Variants in MED27 observed in about 807,000 individuals in gnomAD.
MED27 encodes mediator of RNA polymerase II transcription subunit 27.
A neutral mutation model predicts 38.2 loss-of-function variants in MED27; 30 were observed. The observed-to-expected ratio is 0.79, with a 90% CI of 0.59 to 1.07. MED27 has a LOEUF of 1.07. MED27 is among the 50% of genes least tolerant of loss of function. MED27 has a pLI of 0.00. For missense variants in MED27, 289 were observed against 397.5 expected, an observed-to-expected ratio of 0.73 and a Z score of 2.32; for synonymous variants, 122 against 153.5, an observed-to-expected ratio of 0.79 and a Z score of 1.52.
Position 131,973,811 on chromosome 9 carries a change from C to A in MED27, c.480-34337G>T, listed in dbSNP as rs897826031. Among the ~76,000 whole-genome samples the A allele has an allele frequency of 8.5e-5, 13 of 152,128 alleles. No homozygotes were observed. In the East Asian group the frequency reaches 2.5e-3, roughly 29 times the overall value. ...TAAGCTCCACCTCCCGGGTTCACAC[C>A]ATTCTCCTGCCTCAGCCTCCCAAGT... On this transcript the variant is annotated intron_variant, in intron 3 of 7. Transcript: ENST00000292035.
At chr9:131,932,425 A>G (rs994248837) in intron 4 of MED27, among the ~76,000 whole-genome samples, 1 of 152,034 alleles carries the variant, frequency 6.6e-6, no homozygotes, top group African/African-American at 2.4e-5. Flanking sequence ...AAGAGATGAA[A>G]AAGGAGACAT....
rs778791844 is a variant in MED27 at position 131,901,927 on chromosome 9, G to A, written c.574-7935C>T. On this transcript the variant is annotated intron_variant, in intron 4 of 7. Coordinates refer to ENST00000292035, the MANE Select transcript of MED27 (RefSeq NM_004269.4). ...GCTGAAGTTTTGAAAGATTTGAGTC[G>A]AAGGTCACTGGTTTTCTGTGAAGGG... Among the ~76,000 whole-genome samples the A allele has an allele frequency of 2.8e-4, 43 of 152,210 alleles. 1 individual carries two copies. Among genetic ancestry groups the A allele is most frequent in the South Asian group, 1.9e-3 (9 of 4,812 alleles).
intron 6 of MED27, among the ~76,000 whole-genome samples, chr9:131,869,595 G>C (rs975783231): frequency 3.9e-5 from 6 of 152,200 alleles, no homozygotes; most frequent in Non-Finnish European, 7.3e-5. Context: ...TTGAAAAAAG[G>C]CTTGTAAAAA....
intron 4 of MED27, among the ~76,000 whole-genome samples, chr9:131,912,455 T>C (rs1830208816): frequency 6.6e-6 from 1 of 152,208 alleles, no homozygotes; most frequent in Non-Finnish European, 1.5e-5. Flanking sequence ...ATCCTGGTTT[T>C]GTGGTTTGAT....
chr9:131,930,452 G>C (rs936517201), intron 4 of MED27, among the ~76,000 whole-genome samples: 2 of 152,206 alleles, frequency 1.3e-5, no homozygotes, highest in African/African-American at 4.8e-5. Context: ...CCAGGAGAGA[G>C]TGGCATGGCA....
At chr9:132,046,643 C>T (rs114532482) in intron 2 of MED27, among the ~76,000 whole-genome samples, 2,357 of 152,208 alleles carry the variant, frequency 0.015, 63 homozygotes, top group African/African-American at 0.053. Context: ...CCCAAGCAAT[C>T]GTAGCAGTGG....
At chr9:131,949,557 G>A (rs1437776633) in intron 3 of MED27, among the ~76,000 whole-genome samples, 2 of 152,210 alleles carry the variant, frequency 1.3e-5, no homozygotes, top group African/African-American at 4.8e-5. Context: ...ACACACCGCA[G>A]TGCTTTTATT....
In MED27 at chr9:131,982,469, A is replaced by G. The variant is rs1383482093; in HGVS notation, c.479+31868T>C. ...CCAGACTACACAATCGTGAGTAAAT[A>G]AAATGTTTTGTTGTAAGTAGCCAAG... On this transcript the variant is annotated intron_variant, in intron 3 of 7. Transcript: ENST00000292035. This position sits in a 1 kb window ranked among gnomAD's most constrained non-coding sequence, Gnocchi z 4.3. 2.6e-5 allele frequency among the ~76,000 whole-genome samples: 4 copies of G among 152,250 alleles called. No homozygotes were observed. Among genetic ancestry groups the G allele is most frequent in the African/African-American group, 9.6e-5 (4 of 41,466 alleles).
chr9:131,957,090 C>T (rs1831121599), intron 3 of MED27, among the ~76,000 whole-genome samples: 1 of 152,144 alleles, frequency 6.6e-6, no homozygotes, highest in African/African-American at 2.4e-5. Context: ...GGTAGGAGTA[C>T]AAAGTGGCAG....
intron 6 of MED27, among the ~76,000 whole-genome samples, chr9:131,881,060 G>A (rs1330601689): frequency 1.3e-5 from 2 of 152,182 alleles, no homozygotes; most frequent in African/African-American, 2.4e-5. Flanking sequence ...GGAGACTGGA[G>A]GAGGGAACTC....
intron 2 of MED27, 101 bp from the exon 3 acceptor site, chr9:132,014,568 G>T (rs1018881039): frequency 4.9e-6 from 6 of 1,230,150 alleles, no homozygotes; most frequent in Non-Finnish European, 6.7e-6. Flanking sequence ...TATCCCCTTA[G>T]AACATTTTAA....
At chr9:132,055,776 A>T (rs923970174) in intron 2 of MED27, among the ~76,000 whole-genome samples, 3 of 152,236 alleles carry the variant, frequency 2.0e-5, no homozygotes, top group Admixed American at 6.5e-5. Flanking sequence ...CAAAAGCCTC[A>T]TTTTAGTCAA....
At chr9:131,946,151 T>G (rs1462101680) in intron 3 of MED27, among the ~76,000 whole-genome samples, 4 of 152,186 alleles carry the variant, frequency 2.6e-5, no homozygotes, top group African/African-American at 9.7e-5. Context: ...ATTCATCCAC[T>G]AATAGACAGT....
At chr9:131,928,283 A>G (rs1274411041) in intron 4 of MED27, among the ~76,000 whole-genome samples, 1 of 152,138 alleles carries the variant, frequency 6.6e-6, no homozygotes, top group African/African-American at 2.4e-5. Context: ...CTAACACTTA[A>G]AAATGTATCC....
chr9:131,975,129 A>G (rs528296871), intron 3 of MED27, among the ~76,000 whole-genome samples: 1 of 152,220 alleles, frequency 6.6e-6, no homozygotes, highest in East Asian at 1.9e-4. Flanking sequence ...GCTGTTATTT[A>G]TCTCTTTTTC....
chr9:131,883,812 C>T lies in MED27; in HGVS notation c.723+246G>A, dbSNP rs1839089702. 6.6e-6 allele frequency among the ~76,000 whole-genome samples: 1 copy of T among 152,210 alleles called. No individual in the cohort carries two copies. Among genetic ancestry groups the T allele is most frequent in the South Asian group, 2.1e-4 (1 of 4,832 alleles). On this transcript the variant is annotated intron_variant, in intron 6 of 7. Coordinates refer to ENST00000292035, the MANE Select transcript of MED27 (RefSeq NM_004269.4). The surrounding 1 kb of genome is among the most constrained non-coding windows in gnomAD (Gnocchi z 4.2). ...TAAAGAATATTCCCACCACCCCACACTCCCTTGTGCCCCTTTGGGGCCAAG... is the reference window on the plus strand; with the variant it reads ...TAAAGAATATTCCCACCACCCCACATTCCCTTGTGCCCCTTTGGGGCCAAG...
intron 2 of MED27, among the ~76,000 whole-genome samples, chr9:132,046,637 A>G (rs1315380861): frequency 6.6e-6 from 1 of 152,178 alleles, no homozygotes; most frequent in African/African-American, 2.4e-5. Flanking sequence ...CCAGCCCCCA[A>G]GCAATCGTAG....
chr9:132,071,632 C>T (rs558929726), intron 2 of MED27, among the ~76,000 whole-genome samples: 1 of 151,770 alleles, frequency 6.6e-6, no homozygotes, highest in East Asian at 2.0e-4. Flanking sequence ...GTAACCCACA[C>T]CTCATGAACG....
At chr9:131,927,463 T>G (rs1830502700) in intron 4 of MED27, among the ~76,000 whole-genome samples, 1 of 152,246 alleles carries the variant, frequency 6.6e-6, no homozygotes, top group Admixed American at 6.5e-5. Context: ...CAGATACATA[T>G]GAAAGTCAAA....
Sources: gnomAD v4.1 joint callset for allele counts (sites outside exome capture counted in the v4.1 genomes callset) on GRCh38, gnomAD v4.1.1 for gene constraint, Gnocchi (gnomAD v3.1) non-coding constraint, MANE v1.5 for transcripts, NCBI Gene and HGNC (gene_info 2026-07-23, HGNC 2026-07-21) for gene names.